DARS2: variants seen among roughly 807,000 people sequenced by gnomAD.
DARS2 encodes aspartate--tRNA ligase, mitochondrial.
A neutral mutation model predicts 83.0 loss-of-function variants in DARS2; 63 were observed. The observed-to-expected ratio is 0.76, with a 90% CI of 0.62 to 0.94. The LOEUF is 0.94. Ranked by LOEUF, DARS2 falls within the 40% of genes least tolerant of loss-of-function variation. The pLI is 0.00. For missense variants in DARS2, 675 were observed against 774.4 expected (o/e 0.87, Z 1.52); for synonymous variants, 250 against 269.3 (o/e 0.93, Z 0.70).
intron 15 of DARS2, 31 bp downstream of exon 15, chr1:173,853,936 A>AT (rs749871886): frequency 7.8e-6 from 12 of 1,546,246 alleles, no homozygotes; most frequent in East Asian, 2.2e-5. Flanking sequence ...TCCTGGGCTT[A>AT]TTTTTTTACC....
At chr1:173,844,838 G>T (rs1653369554) in intron 11 of DARS2, among the ~76,000 whole-genome samples, 1 of 117,072 alleles carries the variant, frequency 8.5e-6, no homozygotes, top group Admixed American at 1.2e-4. Flanking sequence ...TTGTTACCCA[G>T]GCTGGAGTAC....
rs1442825114 is a variant in DARS2, at chr1:173,834,769, GGTTTTTTTTTTT to G, written c.663+263_663+274del. ...TTTTTTTTTTTTTTGGTTTGTTTTG[GGTTTTTTTTTTT>G]GTTTTTTTTTTTTTTTTGAGACAGT... On this transcript the variant is annotated intron_variant, in intron 7 of 16. Coordinates refer to ENST00000649689, the MANE Select transcript of DARS2 (RefSeq NM_018122.5). 2.1e-3 allele frequency among the ~76,000 whole-genome samples: 106 copies of G among 50,950 alleles called. 1 individual carries two copies. Among genetic ancestry groups the G allele is most frequent in the African/African-American group, 0.011 (96 of 9,118 alleles). 33.4% of individuals were successfully genotyped at this position (50,950 alleles called of 152,430 possible). A position where few individuals can be genotyped will look rare whatever the true frequency, so the allele number is the denominator to read the frequency against.
In DARS2 at chr1:173,857,737, T is replaced by C; in HGVS notation, c.*32T>C. 1 of 1,613,440 alleles carries C rather than the reference T, an allele frequency of 6.2e-7. No homozygotes were observed. ...CATACCATGCAGAAAGTTGAGCTTT[T>C]AGGTTTTGTCCTCTTTGCTTCCCCA... On this transcript the variant is annotated 3_prime_UTR_variant, in exon 17 of 17. Coordinates refer to ENST00000649689, the MANE Select transcript of DARS2 (RefSeq NM_018122.5).
chr1:173,827,237 C>G (rs1652616218), intron 2 of DARS2, among the ~76,000 whole-genome samples: 1 of 152,126 alleles, frequency 6.6e-6, no homozygotes, highest in Non-Finnish European at 1.5e-5. Context: ...AAGATCAGAG[C>G]CCATTTTTTG....
Position 173,857,761 on chromosome 1 carries a change from C to G in DARS2, c.*56C>G. 5 of 1,591,756 alleles carry G rather than the reference C, an allele frequency of 3.1e-6. No individual in the cohort carries two copies. Among genetic ancestry groups the G allele is most frequent in the Non-Finnish European group, 4.3e-6 (5 of 1,161,516 alleles). The stretch of plus-strand genomic sequence containing the variant: ...TTAGGTTTTGTCCTCTTTGCTTCCC[C>G]AAGGCTAAAGTCAGATCTAGAGTTC... On this transcript the variant is annotated 3_prime_UTR_variant, in exon 17 of 17. Coordinates refer to ENST00000649689, the MANE Select transcript of DARS2 (RefSeq NM_018122.5).
In DARS2 at chr1:173,853,345, G is replaced by A; in HGVS notation, c.1345-4G>A. On this transcript the variant is annotated splice_polypyrimidine_tract_variant and splice_region_variant and intron_variant, in intron 13 of 16. Transcript: ENST00000649689. ...AACTCAATGTTTACGTCTTCTGTTT[G>A]CAGTGCTCTTTGTTAGGAAAATTAC... 1 of 1,613,036 alleles carries A rather than the reference G, an allele frequency of 6.2e-7. No homozygotes were observed. The highest frequency in any genetic ancestry group is 8.5e-7 in the Non-Finnish European group (1 of 1,179,794).
chr1:173,839,743 A>G (rs1653138941), intron 10 of DARS2, among the ~76,000 whole-genome samples, 197 bp downstream of exon 10: 3 of 152,246 alleles, frequency 2.0e-5, no homozygotes, highest in Admixed American at 2.0e-4. Flanking sequence ...TTCATGTTCC[A>G]AGATCCATTT....
At chr1:173,850,296 A>T (rs1557862228) in intron 12 of DARS2, 31 bp from the exon 13 acceptor site, 1 of 1,577,522 alleles carries the variant, frequency 6.3e-7, no homozygotes, top group Non-Finnish European at 8.6e-7. Flanking sequence ...AAAAAAAAAA[A>T]AACGTGAATA....
intron 7 of DARS2, among the ~76,000 whole-genome samples, chr1:173,835,190 A>G (rs1268980066): frequency 1.3e-5 from 2 of 151,726 alleles, no homozygotes; most frequent in African/African-American, 4.8e-5. Flanking sequence ...ACTGGATTCA[A>G]GTGATTCTTC....
At chr1:173,834,643 G>A in intron 7 of DARS2, 124 bp downstream of exon 7, 1 of 417,684 alleles carries the variant, frequency 2.4e-6, no homozygotes, top group Admixed American at 3.3e-5. Context: ...TATTAACTAG[G>A]TTTTTCTGAA....
Position 173,826,751 on chromosome 1 carries a change from A to G in DARS2, c.192A>G (p.Gln64=). Residue 64 remains glutamine, a synonymous_variant, in exon 2 of 17, where the codon CAA becomes CAG. Coordinates refer to ENST00000649689, the MANE Select transcript of DARS2 (RefSeq NM_018122.5). The stretch of plus-strand genomic sequence containing the variant: ...AGTTGCGTTCGTCTCACTTAGGCCA[A>G]GAAGTCACCTTGTGTGGATGGATTC... ...CGELRSSHLG[Q]EVTLCGWIQY... 6.2e-7 allele frequency: 1 copy of G among 1,613,748 alleles called. No individual in the cohort carries two copies. Among genetic ancestry groups the G allele is most frequent in the East Asian group, 2.2e-5 (1 of 44,870 alleles).
intron 13 of DARS2, chr1:173,851,759 G>A: frequency 2.4e-6 from 2 of 830,486 alleles, no homozygotes; most frequent in Non-Finnish European, 2.9e-6. Flanking sequence ...TTTTCAAAAT[G>A]ATAGTGTGTC....
intron 1 of DARS2, 29 bp downstream of exon 1, chr1:173,825,385 G>A: frequency 6.2e-7 from 1 of 1,607,654 alleles, no homozygotes; most frequent in Non-Finnish European, 8.5e-7. Flanking sequence ...TCTATCCTAT[G>A]AACAGTACTT....
chr1:173,856,553 G>A, intron 15 of DARS2, 113 bp from the exon 16 acceptor site: 3 of 893,458 alleles, frequency 3.4e-6, no homozygotes, highest in South Asian at 1.4e-5. Flanking sequence ...GGTTAAGTCA[G>A]TTTTAGCTGT....
intron 11 of DARS2, among the ~76,000 whole-genome samples, chr1:173,842,397 C>T (rs1036894199): frequency 1.6e-4 from 22 of 141,418 alleles, no homozygotes; most frequent in African/African-American, 5.5e-4. Flanking sequence ...CTCCCAGGTT[C>T]GAGCGATTTT....
Position 173,850,348 on chromosome 1 carries a change from A to T in DARS2, c.1213A>T (p.Asn405Tyr). The stretch of plus-strand genomic sequence containing the variant: ...ACAGGAAATCTTACCTGTATTCCTT[A>T]ACGCCAATAGAAACTGGAATTCTCC... ...FNQEILPVFL[N>Y]ANRNWNSPVA... Residue 405 changes from asparagine (N) to tyrosine (Y), a missense_variant, in exon 13 of 17, where the codon AAC (asparagine) becomes TAC (tyrosine). Transcript: ENST00000649689. 1.2e-6 allele frequency: 2 copies of T among 1,612,688 alleles called. No individual in the cohort carries two copies. The highest frequency in any genetic ancestry group is 2.2e-5 in the East Asian group (1 of 44,784).
chr1:173,842,908 C>T (rs111709145), intron 11 of DARS2, among the ~76,000 whole-genome samples: 2,292 of 146,150 alleles, frequency 0.016, 60 homozygotes, highest in African/African-American at 0.056. Flanking sequence ...CACTGCACTC[C>T]AGCCTGAGCA....
At chr1:173,852,043 A>T (rs1054618333) in intron 13 of DARS2, 50 of 985,318 alleles carry the variant, frequency 5.1e-5, no homozygotes, top group Middle Eastern at 5.2e-4. Context: ...ATTCTCAGGA[A>T]GTTATAGGTC....
At position 173,839,483 on chromosome 1, in the gene DARS2, G is replaced by A; in HGVS notation, c.957G>A (p.Met319Ile). ...CTGTGGTTGTTCCTTTTCCTACTATGACTTTTGCTGAGGTGCTGGCCACCT... is the reference window on the plus strand; with the variant it reads ...CTGTGGTTGTTCCTTTTCCTACTATAACTTTTGCTGAGGTGCTGGCCACCT... Reference protein sequence around the residue: ...KDPVVVPFPTMTFAEVLATYG... With the variant: ...KDPVVVPFPTITFAEVLATYG... The change falls in exon 10 of 17, where the codon ATG becomes ATA. Residue 319 changes from methionine to isoleucine, a missense_variant. Physicochemically the swap from Met to Ile is conservative, Grantham distance 10. Coordinates refer to ENST00000649689, the MANE Select transcript of DARS2 (RefSeq NM_018122.5). The A allele has an allele frequency of 6.2e-7, 1 of 1,614,134 alleles. No homozygotes were observed. Among genetic ancestry groups the A allele is most frequent in the Non-Finnish European group, 8.5e-7 (1 of 1,180,016 alleles).
Sources: gnomAD v4.1 joint callset for allele counts (sites outside exome capture counted in the v4.1 genomes callset) on GRCh38, gnomAD v4.1.1 for gene constraint, MANE v1.5 for transcripts, NCBI Gene and HGNC (gene_info 2026-07-23, HGNC 2026-07-21) for gene names.